SETD3: variants seen among roughly 807,000 people sequenced by gnomAD.
SETD3 encodes the protein actin-histidine N-methyltransferase.
A neutral mutation model predicts 63.0 loss-of-function variants in SETD3; 19 were observed. The observed-to-expected ratio is 0.30, with a 90% CI of 0.21 to 0.44. The LOEUF (loss-of-function observed/expected upper bound fraction) is 0.44. Among genes scored for constraint, SETD3 ranks in the 20% least tolerant of loss-of-function variants. The pLI is 1.00. For synonymous variants in SETD3, 286 were observed against 264.1 expected, an observed-to-expected ratio of 1.08 and a Z score of -0.80; for missense variants, 587 against 728.5, an observed-to-expected ratio of 0.81 and a Z score of 2.24.
chr14:99,428,326 A>T (rs891876694), intron 6 of SETD3, among the ~76,000 whole-genome samples: 1 of 152,202 alleles, frequency 6.6e-6, no homozygotes, highest in African/African-American at 2.4e-5. Flanking sequence ...TAGGAAAAGT[A>T]ATCTGCCAAA....
chr14:99,446,625 C>A (rs564352853), intron 6 of SETD3, among the ~76,000 whole-genome samples: 1 of 152,104 alleles, frequency 6.6e-6, no homozygotes, highest in Non-Finnish European at 1.5e-5. Flanking sequence ...CTAGGGAAAA[C>A]GTGCATCACT....
At chr14:99,413,780 G>C (rs752746286) in intron 7 of SETD3, 96 bp downstream of exon 7, 13 of 1,127,346 alleles carry the variant, frequency 1.2e-5, no homozygotes, top group Non-Finnish European at 1.7e-5. Context: ...GGTCACAGCA[G>C]GTCACTTCTC....
rs755813546 is a variant in SETD3, at chr14:99,465,858, G to A, written c.-8-45C>T. 2.3e-5 allele frequency: 30 copies of A among 1,326,506 alleles called. 1 individual carries two copies. The South Asian group carries it at 3.6e-4, about 16-fold the overall frequency. The allele number at this position is 1,326,506 out of a possible 1,614,324, so 82.2% of individuals were successfully genotyped here. A position where few individuals can be genotyped will look rare whatever the true frequency, so the allele number is the denominator to read the frequency against. On this transcript the variant is annotated intron_variant, in intron 1 of 12. Coordinates refer to ENST00000331768, the MANE Select transcript of SETD3 (RefSeq NM_032233.3). ...AAGAGAAAAAAATTACATTACCAAA[G>A]AACAAAATCAAGTAATAAAACATGT...
At chr14:99,475,587 A>T (rs1245733581) in intron 1 of SETD3, among the ~76,000 whole-genome samples, 1 of 152,226 alleles carries the variant, frequency 6.6e-6, no homozygotes, top group Non-Finnish European at 1.5e-5. Context: ...TGTCTTCTCC[A>T]GGCTTAATGT....
At chr14:99,399,586 T>C (rs58109363) in intron 12 of SETD3, among the ~76,000 whole-genome samples, 2 of 152,098 alleles carry the variant, frequency 1.3e-5, no homozygotes, top group South Asian at 2.1e-4. Flanking sequence ...ACGTGAATTA[T>C]AAATTATAAA....
intron 6 of SETD3, among the ~76,000 whole-genome samples, chr14:99,441,095 G>A (rs751472893): frequency 4.3e-4 from 66 of 152,348 alleles, no homozygotes; most frequent in Non-Finnish European, 2.9e-5. Context: ...CCCAGTAGGG[G>A]TAAACCTGTC....
chr14:99,477,425 T>A (rs8023179), intron 1 of SETD3, among the ~76,000 whole-genome samples: 140,051 of 151,866 alleles, frequency 0.92, 65,670 homozygotes, highest in East Asian at 1. Flanking sequence ...CAGATGCTAA[T>A]TTTTTTTTCA....
intron 7 of SETD3, 101 bp downstream of exon 7, chr14:99,413,775 C>T (rs1043546595): frequency 9.2e-7 from 1 of 1,081,330 alleles, no homozygotes; most frequent in African/African-American, 1.6e-5. Flanking sequence ...TTAACGGTCA[C>T]AGCAGGTCAC....
At position 99,410,357 on chromosome 14, in the gene SETD3, A is replaced by C. The variant is rs1000440009; in HGVS notation, c.849+2594T>G. 6.6e-6 allele frequency: 8 copies of C among 1,209,748 alleles called. No individual in the cohort carries two copies. The African/African-American group carries it at 1.2e-4, about 19-fold the overall frequency. The allele number at this position is 1,209,748 out of a possible 1,614,324, so 74.9% of individuals were successfully genotyped here. ...AGACTCATCTAAATATAAATGTTTT[A>C]GATTTTTTTTTCAATACACAAACAG... On this transcript the variant is annotated intron_variant, in intron 8 of 12. Transcript: ENST00000331768.
intron 6 of SETD3, among the ~76,000 whole-genome samples, chr14:99,443,255 ATTTTTT>A (rs996583091): frequency 4.6e-5 from 5 of 108,800 alleles, no homozygotes; most frequent in African/African-American, 2.0e-4. Context: ...CTGAACTCCC[ATTTTTT>A]TTTTTTTTTT....
At chr14:99,468,984 T>A (rs1895547198) in intron 1 of SETD3, among the ~76,000 whole-genome samples, 1 of 152,220 alleles carries the variant, frequency 6.6e-6, no homozygotes, top group South Asian at 2.1e-4. Flanking sequence ...AATCCTCATT[T>A]CTGAAGCTTC....
At chr14:99,445,969 G>C (rs1428686740) in intron 6 of SETD3, among the ~76,000 whole-genome samples, 1 of 152,182 alleles carries the variant, frequency 6.6e-6, no homozygotes, top group Non-Finnish European at 1.5e-5. Flanking sequence ...GAGGGCCCAG[G>C]ACAAGTAAAG....
At chr14:99,445,460 CAT>C (rs1251359350) in intron 6 of SETD3, among the ~76,000 whole-genome samples, 2 of 152,230 alleles carry the variant, frequency 1.3e-5, no homozygotes, top group African/African-American at 4.8e-5. Flanking sequence ...TTCAAAGTCA[CAT>C]GTTAATAATA....
intron 1 of SETD3, among the ~76,000 whole-genome samples, chr14:99,476,376 T>G (rs1039199262): frequency 1.5e-4 from 23 of 152,278 alleles, no homozygotes; most frequent in African/African-American, 4.8e-4. Flanking sequence ...TTTTATTTTT[T>G]GGCCTTTTAA....
At chr14:99,418,278 C>A (rs1328274230) in intron 6 of SETD3, among the ~76,000 whole-genome samples, 3 of 152,066 alleles carry the variant, frequency 2.0e-5, no homozygotes, top group Non-Finnish European at 4.4e-5. Context: ...TAATGCCATG[C>A]AATTAAATTT....
intron 6 of SETD3, among the ~76,000 whole-genome samples, chr14:99,427,535 A>G (rs913705201): frequency 1.3e-5 from 2 of 152,226 alleles, no homozygotes; most frequent in African/African-American, 4.8e-5. Context: ...TAAAATAGCT[A>G]TTATTTTATA....
At chr14:99,454,512 C>T (rs1461466067) in intron 6 of SETD3, among the ~76,000 whole-genome samples, 1 of 152,090 alleles carries the variant, frequency 6.6e-6, no homozygotes, top group Admixed American at 6.5e-5. Context: ...ACATAAGATA[C>T]TGAAGGGACA....
intron 6 of SETD3, among the ~76,000 whole-genome samples, chr14:99,427,204 T>C (rs1474176539): frequency 6.6e-6 from 1 of 152,242 alleles, no homozygotes; most frequent in Admixed American, 6.5e-5. Context: ...CACATGATGC[T>C]GACAAGGAAA....
chr14:99,409,893 T>C, intron 8 of SETD3: 1 of 240,942 alleles, frequency 4.2e-6, no homozygotes, highest in East Asian at 7.8e-5. Context: ...ATGAATTCAT[T>C]AAAAACCACA....
Sources: gnomAD v4.1 joint callset for allele counts (sites outside exome capture counted in the v4.1 genomes callset) on GRCh38, gnomAD v4.1.1 for gene constraint, MANE v1.5 for transcripts, NCBI Gene and HGNC (gene_info 2026-07-23, HGNC 2026-07-21) for gene names.